The following MAMLD1 variants were observed in gnomAD, a reference collection of about 807,000 sequenced individuals.
MAMLD1 encodes the protein mastermind like domain containing 1.
MAMLD1 carries 14 observed loss-of-function variants against 45.0 expected under a neutral mutation model. That is an observed-to-expected ratio of 0.31 (90% CI 0.21 to 0.49). The LOEUF (loss-of-function observed/expected upper bound fraction) is 0.49. MAMLD1 is among the 20% of genes least tolerant of loss of function. The probability of loss-of-function intolerance (pLI) is 0.99; values close to 1 mark genes in which losing one functional copy is unlikely to be tolerated. For missense variants in MAMLD1, 543 were observed against 603.6 expected, an observed-to-expected ratio of 0.90 and a Z score of 1.05; for synonymous variants, 254 against 247.8, an observed-to-expected ratio of 1.02 and a Z score of -0.24.
chrX:150,460,868 T>G (rs2036014693), intron 2 of MAMLD1, among the ~76,000 whole-genome samples: 1 of 112,176 alleles, frequency 8.9e-6, no homozygotes, highest in Non-Finnish European at 1.9e-5. Flanking sequence ...AAAACCCACT[T>G]GGCTCATCAG....
At chrX:150,508,774 TC>T (rs2037813135) in intron 6 of MAMLD1, among the ~76,000 whole-genome samples, 1 of 111,842 alleles carries the variant, frequency 8.9e-6, no homozygotes, top group Non-Finnish European at 1.9e-5. Context: ...TCTGGCATCT[TC>T]GGGGGGACAC....
intron 1 of MAMLD1, among the ~76,000 whole-genome samples, chrX:150,438,337 A>C (rs1378110504): frequency 8.9e-6 from 1 of 112,262 alleles, no homozygotes; most frequent in Non-Finnish European, 1.9e-5. Context: ...CAGTTTCTCC[A>C]CATTCTTACC....
intron 1 of MAMLD1, among the ~76,000 whole-genome samples, chrX:150,394,991 G>C (rs1446690267): frequency 2.7e-5 from 3 of 112,024 alleles, no homozygotes; most frequent in African/African-American, 9.7e-5. Context: ...AATGATGAGA[G>C]TGGACATACT....
intron 1 of MAMLD1, among the ~76,000 whole-genome samples, chrX:150,425,657 C>T (rs1471226440): frequency 5.4e-5 from 6 of 111,720 alleles, no homozygotes; most frequent in Non-Finnish European, 1.1e-4. Flanking sequence ...TTCGGGAGAT[C>T]ATTCCCGAGA....
Position 150,507,719 on chromosome X carries a change from C to T in MAMLD1, c.2285-2243C>T, listed in dbSNP as rs138474942. ...GAATGTGTGCTTCCCGGGATGAAGA[C>T]GCCCCAGCACCCGCTGAAGCCTGCC... On this transcript the variant is annotated intron_variant, in intron 6 of 7. Coordinates refer to ENST00000370401, the MANE Select transcript of MAMLD1 (RefSeq NM_005491.5). Among the ~76,000 whole-genome samples the T allele has an allele frequency of 2.7e-4, 30 of 112,448 alleles. No homozygotes were observed. The East Asian group carries it at 7.9e-3, about 30-fold the overall frequency.
intron 4 of MAMLD1, among the ~76,000 whole-genome samples, chrX:150,473,476 T>G (rs1402216648): frequency 1.8e-5 from 2 of 112,284 alleles, no homozygotes; most frequent in Non-Finnish European, 3.8e-5. Context: ...GTCTTTTCCA[T>G]CCAGGTTTCC....
chrX:150,489,306 A>T (rs1178202529), intron 5 of MAMLD1, among the ~76,000 whole-genome samples: 1 of 110,767 alleles, frequency 9.0e-6, no homozygotes, highest in Non-Finnish European at 1.9e-5. Flanking sequence ...ACACTGGCAG[A>T]TTCAGTGTCT....
At chrX:150,473,644 G>T (rs2036496545) in intron 4 of MAMLD1, 36 bp from the exon 5 acceptor site, 1 of 1,205,752 alleles carries the variant, frequency 8.3e-7, no homozygotes, top group Non-Finnish European at 1.1e-6. Flanking sequence ...GCCCTGGTCT[G>T]CAGTTCAGGA....
At chrX:150,485,239 G>C (rs1050584510) in intron 5 of MAMLD1, among the ~76,000 whole-genome samples, 1 of 111,224 alleles carries the variant, frequency 9.0e-6, no homozygotes, top group Non-Finnish European at 1.9e-5. Flanking sequence ...GGTTCCTGAA[G>C]GCTAAGCATT....
upstream of MAMLD1, among the ~76,000 whole-genome samples, chrX:150,362,231 T>C (rs1557400501): frequency 9.0e-6 from 1 of 110,688 alleles, no homozygotes; most frequent in African/African-American, 3.3e-5. Flanking sequence ...TGAGTGCCCC[T>C]CCCAGGGCGA....
rs782103286 is a variant in MAMLD1 at position 150,435,183 on chromosome X, A to G, written c.-63-10271A>G. On this transcript the variant is annotated intron_variant, in intron 1 of 7. Coordinates refer to ENST00000370401, the MANE Select transcript of MAMLD1 (RefSeq NM_005491.5). Reference sequence around the variant, plus strand: ...TATAATGCTCTTCTTGTCTTTTCTTATCTTTGTTGGTTTAAAGTCTGTTTT... The same window carrying G: ...TATAATGCTCTTCTTGTCTTTTCTTGTCTTTGTTGGTTTAAAGTCTGTTTT... Among the ~76,000 whole-genome samples, 8 of 111,424 alleles carry G rather than the reference A, an allele frequency of 7.2e-5. No homozygotes were observed. The South Asian group carries it at 2.3e-3, about 32-fold the overall frequency.
chrX:150,398,320 G>T (rs1028512927), intron 1 of MAMLD1, among the ~76,000 whole-genome samples: 4 of 94,892 alleles, frequency 4.2e-5, no homozygotes, highest in African/African-American at 1.6e-4. Flanking sequence ...AGAAGAAGAA[G>T]AAGAAGAAGA....
chrX:150,403,988 GA>G (rs1352985537), intron 1 of MAMLD1, among the ~76,000 whole-genome samples: 2 of 87,976 alleles, frequency 2.3e-5, no homozygotes, highest in African/African-American at 8.5e-5. Flanking sequence ...AAGAAAGAAA[GA>G]AAGAAAGAAG....
intron 5 of MAMLD1, among the ~76,000 whole-genome samples, chrX:150,499,213 G>A (rs1348562001): frequency 1.1e-4 from 12 of 111,707 alleles, no homozygotes; most frequent in African/African-American, 3.9e-4. Context: ...TCTGTTACAT[G>A]GTTAGTAAAG....
chrX:150,456,877 A>G (rs2266832), intron 2 of MAMLD1, among the ~76,000 whole-genome samples: 15,776 of 111,946 alleles, frequency 0.14, 904 homozygotes, highest in Non-Finnish European at 0.18. Flanking sequence ...GCAGCAGAGT[A>G]GGCTTGTGGA....
chrX:150,431,420 T>TA (rs367701713), intron 1 of MAMLD1, among the ~76,000 whole-genome samples: 1,225 of 108,278 alleles, frequency 0.011, 23 homozygotes, highest in African/African-American at 0.039. Context: ...TTCTACTTTT[T>TA]AAAAAAAAAT....
chrX:150,409,517 G>GAGATGCAA (rs1237558926), intron 1 of MAMLD1, among the ~76,000 whole-genome samples: 2 of 111,724 alleles, frequency 1.8e-5, no homozygotes, highest in Non-Finnish European at 3.8e-5. Flanking sequence ...GCTTTGAAGA[G>GAGATGCAA]AGATGCAAAG....
intron 3 of MAMLD1, among the ~76,000 whole-genome samples, chrX:150,466,025 C>T (rs2036208954): frequency 8.9e-6 from 1 of 112,567 alleles, no homozygotes; most frequent in African/African-American, 3.2e-5. Flanking sequence ...GGCAAAACCT[C>T]AGCGGCATCA....
intron 1 of MAMLD1, among the ~76,000 whole-genome samples, chrX:150,364,965 A>C (rs2031293256): frequency 9.0e-6 from 1 of 111,332 alleles, no homozygotes; most frequent in South Asian, 3.7e-4. Flanking sequence ...TTGCCGCCCG[A>C]GTGCCCACCG....
Sources: gnomAD v4.1 joint callset for allele counts (sites outside exome capture counted in the v4.1 genomes callset) on GRCh38, gnomAD v4.1.1 for gene constraint, MANE v1.5 for transcripts, NCBI Gene and HGNC (gene_info 2026-07-23, HGNC 2026-07-21) for gene names.